Variants in DOT1L observed in about 807,000 individuals in gnomAD.
DOT1L encodes histone-lysine N-methyltransferase, H3 lysine-79 specific.
Under a neutral mutation model 153.3 loss-of-function variants are expected in DOT1L, and 33 were observed. The observed-to-expected ratio is 0.22, with a 90% CI of 0.16 to 0.29. DOT1L has a LOEUF of 0.29. Among genes scored for constraint, DOT1L ranks in the 10% least tolerant of loss-of-function variants. The pLI is 1.00. For missense variants in DOT1L, 1,847 were observed against 2,119.9 expected (o/e 0.87, Z 2.53); for synonymous variants, 1,135 against 965.1 (o/e 1.18, Z -3.26).
Position 2,197,498 on chromosome 19 carries a change from C to T in DOT1L, c.652-2386C>T, listed in dbSNP as rs1006581865. ...GGGTGCTGTCGGGTGGTGGGGCTGC[C>T]GCAGCACTGCTCCCCCTTCTGCCTC... On this transcript the variant is annotated intron_variant, in intron 7 of 27. Transcript: ENST00000398665. The surrounding 1 kb of genome is among the most constrained non-coding windows in gnomAD (Gnocchi z 4.1). Among the ~76,000 whole-genome samples, 28 of 152,168 alleles carry T rather than the reference C, an allele frequency of 1.8e-4. No individual in the cohort carries two copies. Among genetic ancestry groups the T allele is most frequent in the Non-Finnish European group, 1.5e-4 (10 of 68,030 alleles).
At chr19:2,192,929 G>A (rs903492091) in intron 5 of DOT1L, among the ~76,000 whole-genome samples, 2 of 152,160 alleles carry the variant, frequency 1.3e-5, no homozygotes, top group Non-Finnish European at 2.9e-5. Context: ...CTGGCCCCCC[G>A]TCCCTGTGTG....
intron 12 of DOT1L, 116 bp downstream of exon 12, chr19:2,209,092 C>A: frequency 2.5e-6 from 3 of 1,196,508 alleles, no homozygotes; most frequent in South Asian, 1.5e-5. Flanking sequence ...CCCTGCCGCC[C>A]CTCGGGGCCC....
Position 2,211,262 on chromosome 19 carries a change from C to T in DOT1L, c.1465+50C>T, listed in dbSNP as rs2023704842. The T allele has an allele frequency of 2.0e-6, 3 of 1,490,048 alleles. 1 individual carries two copies. The highest frequency in any genetic ancestry group is 2.7e-6 in the Non-Finnish European group (3 of 1,098,266). The allele number at this position is 1,490,048 out of a possible 1,614,324, so 92.3% of individuals were successfully genotyped here. The stretch of plus-strand genomic sequence containing the variant: ...GAAGGGTTCTGGGCTTGGGGTCATC[C>T]CAGGAGGACCGTGGGTTGTGACGCT... On this transcript the variant is annotated intron_variant, in intron 15 of 27. Transcript: ENST00000398665.
At chr19:2,214,017 G>A (rs367676611) in intron 18 of DOT1L, 31 bp downstream of exon 18, 2 of 1,603,800 alleles carry the variant, frequency 1.2e-6, no homozygotes, top group African/African-American at 1.3e-5. Context: ...ACAGGGACGT[G>A]GAACCAGAGG....
At chr19:2,228,078 C>G (rs978212567) in intron 27 of DOT1L, 1 of 1,330,930 alleles carries the variant, frequency 7.5e-7, no homozygotes, top group African/African-American at 1.5e-5. Flanking sequence ...CCTCGCGTCC[C>G]TCCCGCCTAA....
At position 2,193,584 on chromosome 19, in the gene DOT1L, G is replaced by A; in HGVS notation, c.494-105G>A. On this transcript the variant is annotated intron_variant, in intron 5 of 27. Transcript: ENST00000398665. The surrounding 1 kb of genome is among the most constrained non-coding windows in gnomAD (Gnocchi z 5.9). ...TGTGGAGACTGTGGCCTCCCCTGTG[G>A]GTCTTCATGGCCGCATTCTTGTGGC... 1 of 1,049,018 alleles carries A rather than the reference G, an allele frequency of 9.5e-7. No homozygotes were observed. Among genetic ancestry groups the A allele is most frequent in the South Asian group, 1.4e-5 (1 of 69,412 alleles). The allele number at this position is 1,049,018 out of a possible 1,614,324, so 65.0% of individuals were successfully genotyped here. A position where few individuals can be genotyped will look rare whatever the true frequency, so the allele number is the denominator to read the frequency against.
chr19:2,196,266 T>C (rs1159773571), intron 7 of DOT1L, among the ~76,000 whole-genome samples: 1 of 152,252 alleles, frequency 6.6e-6, no homozygotes, highest in Admixed American at 6.5e-5. Context: ...GCCTTGGGCG[T>C]CCTGGCTGTG....
chr19:2,209,990 C>T (rs1196965863), intron 12 of DOT1L, among the ~76,000 whole-genome samples: 3 of 152,234 alleles, frequency 2.0e-5, no homozygotes, highest in Non-Finnish European at 4.4e-5. Context: ...TTGTGCATGG[C>T]GTCCCATGTG....
intron 2 of DOT1L, among the ~76,000 whole-genome samples, chr19:2,184,890 G>A (rs533920672): frequency 3.3e-5 from 5 of 152,318 alleles, no homozygotes; most frequent in African/African-American, 1.2e-4. Context: ...TTAAGGGATA[G>A]TGGGGTGTGT....
chr19:2,201,175 G>GCATTCCTCGTCCTCCCCT (rs2023262577), intron 8 of DOT1L, among the ~76,000 whole-genome samples: 8 of 111,852 alleles, frequency 7.2e-5, no homozygotes, highest in Non-Finnish European at 1.3e-4. Flanking sequence ...CGTCCTCCCC[G>GCATTCCTCGTCCTCCCCT]CATTCCTCGT....
intron 25 of DOT1L, among the ~76,000 whole-genome samples, chr19:2,224,000 C>T (rs1247856013): frequency 6.6e-6 from 1 of 152,164 alleles, no homozygotes; most frequent in Non-Finnish European, 1.5e-5. Context: ...CCCTGGCACC[C>T]CCCGCCCCCA....
intron 1 of DOT1L, among the ~76,000 whole-genome samples, chr19:2,168,189 C>A (rs540037594): frequency 6.6e-6 from 1 of 152,108 alleles, no homozygotes; most frequent in East Asian, 1.9e-4. Context: ...GAAGACAGGC[C>A]GGGCACAGGG....
chr19:2,227,847 G>C (rs764361834), intron 27 of DOT1L: 2 of 1,287,924 alleles, frequency 1.6e-6, no homozygotes, highest in Non-Finnish European at 2.0e-6. Flanking sequence ...GCTGCAGGCG[G>C]CGGCCAGCGC....
Position 2,223,353 on chromosome 19 carries a change from G to C in DOT1L, c.3463G>C (p.Val1155Leu), listed in dbSNP as rs754301919. 1.2e-6 allele frequency: 2 copies of C among 1,613,766 alleles called. No individual in the cohort carries two copies. Among genetic ancestry groups the C allele is most frequent in the Admixed American group, 1.7e-5 (1 of 59,996 alleles). Residue 1155 changes from valine (V) to leucine (L), a missense_variant, in exon 25 of 28, where the codon GTG becomes CTG. Physicochemically the swap from Val to Leu is conservative, Grantham distance 32. Transcript: ENST00000398665. ...SPETSLKSSPVPYQDHDQPPV... is the reference protein window; with the variant it reads ...SPETSLKSSPLPYQDHDQPPV... ...GGAGACCTCCCTGAAGAGCTCCCCT[G>C]TGCCCTACCAGGACCACGACCAGCC... is the stretch of plus-strand genomic sequence containing the variant.
intron 8 of DOT1L, 132 bp from the exon 9 acceptor site, chr19:2,202,568 G>T: frequency 1.2e-6 from 1 of 843,896 alleles, no homozygotes; most frequent in Non-Finnish European, 1.9e-6. Context: ...TCAGCTGCGT[G>T]GGCTTGGCCC....
chr19:2,172,630 G>A (rs1322299851), intron 1 of DOT1L, among the ~76,000 whole-genome samples: 1 of 150,740 alleles, frequency 6.6e-6, no homozygotes, highest in African/African-American at 2.4e-5. Context: ...TCAGCCTCCC[G>A]AGTAGCTGGG....
In DOT1L at chr19:2,203,195, C is replaced by T. The variant is rs191374388; in HGVS notation, c.787+416C>T. On this transcript the variant is annotated intron_variant, in intron 9 of 27. Coordinates refer to ENST00000398665, the MANE Select transcript of DOT1L (RefSeq NM_032482.3). ...TCAGCTTACCGCAACCTCTGCCTCC[C>T]GGGTTCAAGCAATTCTGCCTCAGCC... Among the ~76,000 whole-genome samples the T allele has an allele frequency of 3.9e-3, 594 of 152,302 alleles. 5 individuals are homozygous for T. Among genetic ancestry groups the T allele is most frequent in the Middle Eastern group, 6.8e-3 (2 of 294 alleles).
chr19:2,179,533 C>T (rs2022125813), intron 1 of DOT1L, among the ~76,000 whole-genome samples: 1 of 152,156 alleles, frequency 6.6e-6, no homozygotes, highest in South Asian at 2.1e-4. Flanking sequence ...GCTGGCTGGG[C>T]ACGGTGGCTC....
intron 6 of DOT1L, 148 bp from the exon 7 acceptor site, chr19:2,194,367 T>C (rs976950204): frequency 1.3e-6 from 1 of 777,074 alleles, no homozygotes; most frequent in Non-Finnish European, 2.1e-6. Flanking sequence ...GAGACGGGGT[T>C]TCACCGTGTT....
Sources: allele counts gnomAD v4.1 joint callset (sites outside exome capture counted in the v4.1 genomes callset), GRCh38; gene constraint gnomAD v4.1.1; non-coding constraint Gnocchi (gnomAD v3.1); transcripts MANE v1.5; gene names NCBI Gene and HGNC (gene_info 2026-07-23, HGNC 2026-07-21).